The following AUTS2 variants were observed in gnomAD, a reference collection of about 807,000 sequenced individuals.
AUTS2 encodes the protein autism susceptibility gene 2 protein.
AUTS2 carries 17 observed loss-of-function variants against 112.4 expected under a neutral mutation model. That is an observed-to-expected ratio of 0.15 (90% confidence interval 0.10 to 0.23). The LOEUF (loss-of-function observed/expected upper bound fraction) is 0.23, where lower values mean the gene tolerates loss of function less well. AUTS2 is among the 10% of genes least tolerant of loss of function. The pLI is 1.00. For missense variants in AUTS2, 1,510 were observed against 1,701.6 expected (o/e 0.89, Z 1.98); for synonymous variants, 751 against 702.7 (o/e 1.07, Z -1.09).
intron 2 of AUTS2, among the ~76,000 whole-genome samples, chr7:70,059,592 G>A (rs1411095857): frequency 6.6e-6 from 1 of 152,192 alleles, no homozygotes; most frequent in Non-Finnish European, 1.5e-5. Flanking sequence ...CTGTATGAAA[G>A]AGGTGCCATC....
chr7:70,048,119 C>T (rs1801587051), intron 2 of AUTS2, among the ~76,000 whole-genome samples: 2 of 152,158 alleles, frequency 1.3e-5, no homozygotes, highest in South Asian at 2.1e-4. Context: ...GATTTCCAAA[C>T]ACCTTAGCAT....
rs548026562 is a variant in AUTS2, at chr7:70,008,754, T to G, written c.522+109256T>G. 4.6e-5 allele frequency among the ~76,000 whole-genome samples: 7 copies of G among 152,370 alleles called. No individual in the cohort carries two copies. The East Asian group carries it at 1.3e-3, about 29-fold the overall frequency. The stretch of plus-strand genomic sequence containing the variant: ...AAAATTTTGAAAATTGAGATTTTGC[T>G]GTTAATATCACAGCCGTATCACTAA... On this transcript the variant is annotated intron_variant, in intron 2 of 18. Transcript: ENST00000342771.
intron 1 of AUTS2, among the ~76,000 whole-genome samples, chr7:69,840,461 G>A (rs765946463): frequency 2.0e-5 from 3 of 152,172 alleles, no homozygotes; most frequent in South Asian, 2.1e-4. Context: ...AAGTCCAAAG[G>A]ATGTGGAGAT....
chr7:70,664,464 A>G (rs148467882), intron 5 of AUTS2, among the ~76,000 whole-genome samples: 11 of 152,334 alleles, frequency 7.2e-5, no homozygotes, highest in East Asian at 5.8e-4. Flanking sequence ...AAGTTTGTCA[A>G]ACATGCCCAT....
intron 1 of AUTS2, among the ~76,000 whole-genome samples, chr7:69,809,280 G>A (rs989240215): frequency 2.1e-4 from 32 of 151,454 alleles, no homozygotes; most frequent in African/African-American, 7.3e-4. Context: ...GGGTTTCACT[G>A]TGTTAGCCAG....
chr7:70,305,077 AT>A (rs1489540223), intron 4 of AUTS2, among the ~76,000 whole-genome samples: 1 of 152,088 alleles, frequency 6.6e-6, no homozygotes, highest in African/African-American at 2.4e-5. Flanking sequence ...CCATAGCCTG[AT>A]TTTTTGTGAC....
chr7:69,769,530 C>G (rs568090902), intron 1 of AUTS2, among the ~76,000 whole-genome samples: 2 of 152,194 alleles, frequency 1.3e-5, no homozygotes, highest in Non-Finnish European at 2.9e-5. Context: ...CTGCATTTAG[C>G]TGGAAATAGC....
At chr7:70,030,655 A>G (rs141578351) in intron 2 of AUTS2, among the ~76,000 whole-genome samples, 1 of 152,220 alleles carries the variant, frequency 6.6e-6, no homozygotes, top group Non-Finnish European at 1.5e-5. Context: ...TGAGCCTCTT[A>G]GTATTTGTCA....
At chr7:70,368,038 T>C (rs1792665758) in intron 4 of AUTS2, among the ~76,000 whole-genome samples, 4 of 152,162 alleles carry the variant, frequency 2.6e-5, no homozygotes, top group Admixed American at 2.0e-4. Context: ...AATATGTATA[T>C]AGGCTAGGGA....
intron 6 of AUTS2, among the ~76,000 whole-genome samples, chr7:70,742,267 G>C (rs1407728657): frequency 6.6e-6 from 1 of 152,246 alleles, no homozygotes; most frequent in African/African-American, 2.4e-5. Flanking sequence ...ATACTTGGCT[G>C]ATCTAGCCAT....
At position 70,575,302 on chromosome 7, in the gene AUTS2, CACA is replaced by C. The variant is rs61247805; in HGVS notation, c.691-123266_691-123264del. Reference sequence around the variant, plus strand: ...TTACTGCCAGCCACTAATGAGCAGGCACATGGGGCACCCCTGCCTGTGTGCACC... The same window carrying C: ...TTACTGCCAGCCACTAATGAGCAGGCTGGGGCACCCCTGCCTGTGTGCACC... On this transcript the variant is annotated intron_variant, in intron 5 of 18. Coordinates refer to ENST00000342771, the MANE Select transcript of AUTS2 (RefSeq NM_015570.4). Among the ~76,000 whole-genome samples, 789 of 152,314 alleles carry C rather than the reference CACA, an allele frequency of 5.2e-3. 7 individuals are homozygous for C. The highest frequency in any genetic ancestry group is 0.018 in the African/African-American group (735 of 41,572).
chr7:70,042,683 C>T (rs766308513), intron 2 of AUTS2, among the ~76,000 whole-genome samples: 13 of 152,134 alleles, frequency 8.5e-5, no homozygotes, highest in South Asian at 6.2e-4. Context: ...GAACTTTCTT[C>T]GGGAGAATCT....
At chr7:70,649,832 G>A (rs1416093332) in intron 5 of AUTS2, among the ~76,000 whole-genome samples, 1 of 152,108 alleles carries the variant, frequency 6.6e-6, no homozygotes, top group African/African-American at 2.4e-5. Flanking sequence ...CGGCCCCAGT[G>A]GTGATTTTGT....
At chr7:69,628,036 A>T (rs1385422782) in intron 1 of AUTS2, among the ~76,000 whole-genome samples, 1 of 152,220 alleles carries the variant, frequency 6.6e-6, no homozygotes, top group East Asian at 1.9e-4. Flanking sequence ...GTATTGTCCC[A>T]TGTAGCCACA....
intron 5 of AUTS2, among the ~76,000 whole-genome samples, chr7:70,547,913 T>A (rs1171617572): frequency 6.6e-6 from 1 of 152,166 alleles, no homozygotes; most frequent in East Asian, 1.9e-4. Context: ...ATTTTACATT[T>A]CCCCAGTAAT....
chr7:70,092,859 C>A (rs1214766233), intron 2 of AUTS2, among the ~76,000 whole-genome samples: 1 of 152,116 alleles, frequency 6.6e-6, no homozygotes, highest in Non-Finnish European at 1.5e-5. Context: ...GCGGGGCCCC[C>A]TCTCCATGTC....
At chr7:70,251,271 G>C (rs1215601729) in intron 4 of AUTS2, among the ~76,000 whole-genome samples, 1 of 151,842 alleles carries the variant, frequency 6.6e-6, no homozygotes, top group East Asian at 1.9e-4. Context: ...TCACCATGTT[G>C]GCCAGGCTGG....
intron 4 of AUTS2, among the ~76,000 whole-genome samples, chr7:70,218,674 A>AGT (rs1019386742): frequency 2.0e-5 from 3 of 152,224 alleles, no homozygotes; most frequent in African/African-American, 7.2e-5. Context: ...TAATTCACAA[A>AGT]GTGTGCGATA....
intron 1 of AUTS2, among the ~76,000 whole-genome samples, chr7:69,895,551 C>CCCG (rs1554400695): frequency 6.8e-6 from 1 of 147,414 alleles, no homozygotes; most frequent in Admixed American, 6.7e-5. Flanking sequence ...CTTCCCCCCC[C>CCCG]CCGAGTGGAA....
Sources: gnomAD v4.1 joint callset for allele counts (sites outside exome capture counted in the v4.1 genomes callset) on GRCh38, gnomAD v4.1.1 for gene constraint, MANE v1.5 for transcripts, NCBI Gene and HGNC (gene_info 2026-07-23, HGNC 2026-07-21) for gene names.